Variants in LRRC8D observed in about 807,000 individuals in gnomAD.
LRRC8D encodes leucine rich repeat containing 8 VRAC subunit D.
A neutral mutation model predicts 55.8 loss-of-function variants in LRRC8D; 20 were observed. That is an observed-to-expected ratio of 0.36 (90% CI 0.25 to 0.52). The LOEUF (loss-of-function observed/expected upper bound fraction) is 0.52, where lower values mean the gene tolerates loss of function less well. LRRC8D is among the 20% of genes least tolerant of loss of function. The pLI is 0.93. For missense variants in LRRC8D, 651 were observed against 1,030.8 expected, an observed-to-expected ratio of 0.63 and a Z score of 5.05; for synonymous variants, 352 against 377.0, an observed-to-expected ratio of 0.93 and a Z score of 0.77.
intron 2 of LRRC8D, among the ~76,000 whole-genome samples, chr1:89,848,572 T>A (rs1176777850): frequency 6.6e-6 from 1 of 152,202 alleles, no homozygotes; most frequent in East Asian, 1.9e-4. Context: ...GTTCCTTTAT[T>A]TGTTAAAAGA....
At chr1:89,845,808 T>G (rs1406293407) in intron 2 of LRRC8D, among the ~76,000 whole-genome samples, 5 of 151,246 alleles carry the variant, frequency 3.3e-5, no homozygotes, top group Non-Finnish European at 7.4e-5. Flanking sequence ...GACGGAGGAG[T>G]TTTGCTCTTG....
intron 2 of LRRC8D, among the ~76,000 whole-genome samples, chr1:89,888,430 A>G (rs2801991): frequency 0.35 from 53,430 of 152,068 alleles, 9,910 homozygotes; most frequent in African/African-American, 0.46. Context: ...GGAGATACCG[A>G]TATGAATTCA....
intron 2 of LRRC8D, among the ~76,000 whole-genome samples, chr1:89,847,184 TTAAC>T (rs1318748822): frequency 6.6e-6 from 1 of 152,228 alleles, no homozygotes; most frequent in African/African-American, 2.4e-5. Flanking sequence ...TGTTGCACCA[TTAAC>T]TAAACTGTAA....
chr1:89,856,490 A>T (rs1282320737), intron 2 of LRRC8D, among the ~76,000 whole-genome samples: 2 of 152,224 alleles, frequency 1.3e-5, no homozygotes, highest in African/African-American at 4.8e-5. Flanking sequence ...ATGAGGGAGC[A>T]GTATATGCCT....
chr1:89,920,597 G>A (rs74098651), intron 2 of LRRC8D, among the ~76,000 whole-genome samples: 9,452 of 146,866 alleles, frequency 0.064, 645 homozygotes, highest in African/African-American at 0.18. Context: ...CTTACGTTTC[G>A]TTTCTATATA....
At chr1:89,828,328 T>A (rs1260130614) in intron 1 of LRRC8D, among the ~76,000 whole-genome samples, 1 of 152,224 alleles carries the variant, frequency 6.6e-6, no homozygotes, top group Non-Finnish European at 1.5e-5. Flanking sequence ...CCTTGAGCAG[T>A]CATTTCCAGA....
intron 2 of LRRC8D, among the ~76,000 whole-genome samples, chr1:89,925,301 G>A (rs1363195777): frequency 2.0e-5 from 3 of 152,068 alleles, no homozygotes; most frequent in Non-Finnish European, 2.9e-5. Flanking sequence ...CTAGTTGCAG[G>A]AAAAGCTCAG....
rs144486902 is a variant in LRRC8D, at chr1:89,856,279, A to G, written c.-3+12497A>G. ...GCTAGTAGCAAAAGTTTAGCAGCTCATGTTGAACACTGAACCATATTGAAA... is the reference window on the plus strand; with the variant it reads ...GCTAGTAGCAAAAGTTTAGCAGCTCGTGTTGAACACTGAACCATATTGAAA... On this transcript the variant is annotated intron_variant, in intron 2 of 2. Transcript: ENST00000337338. Among the ~76,000 whole-genome samples the G allele has an allele frequency of 1.1e-4, 17 of 152,300 alleles. No homozygotes were observed. The East Asian group carries it at 3.3e-3, about 29-fold the overall frequency.
chr1:89,829,472 C>T (rs887496729), intron 1 of LRRC8D, among the ~76,000 whole-genome samples: 7 of 152,186 alleles, frequency 4.6e-5, no homozygotes, highest in Non-Finnish European at 8.8e-5. Context: ...TTATACCAGA[C>T]TTTTTTATTT....
intron 2 of LRRC8D, among the ~76,000 whole-genome samples, chr1:89,850,309 G>A (rs1056175925): frequency 6.6e-6 from 1 of 152,054 alleles, no homozygotes; most frequent in Non-Finnish European, 1.5e-5. Flanking sequence ...AAGTTTAGGG[G>A]TACAAGTGTA....
At chr1:89,930,792 C>T (rs769261814) in intron 2 of LRRC8D, among the ~76,000 whole-genome samples, 4 of 150,878 alleles carry the variant, frequency 2.7e-5, no homozygotes, top group South Asian at 4.2e-4. Flanking sequence ...AACTGAAGAG[C>T]TCAAAATGAC....
At chr1:89,834,081 G>A (rs1660948730) in intron 1 of LRRC8D, among the ~76,000 whole-genome samples, 1 of 152,168 alleles carries the variant, frequency 6.6e-6, no homozygotes, top group African/African-American at 2.4e-5. Flanking sequence ...TTGTTCATTA[G>A]AATTTTGAAC....
chr1:89,835,367 T>C (rs1660980578), intron 1 of LRRC8D, among the ~76,000 whole-genome samples: 1 of 152,252 alleles, frequency 6.6e-6, no homozygotes, highest in South Asian at 2.1e-4. Context: ...AAGTTCTGTC[T>C]GTGTAGGTTC....
chr1:89,900,590 C>T lies in LRRC8D; in HGVS notation c.-2-32477C>T, dbSNP rs558963817. On this transcript the variant is annotated intron_variant, in intron 2 of 2. Transcript: ENST00000337338. ...CATGTTTACCACTTGAGGTGAACAT[C>T]GAAGCATAGTGGCACTTACTGGAAG... 1.1e-4 allele frequency among the ~76,000 whole-genome samples: 16 copies of T among 152,142 alleles called. No homozygotes were observed. The South Asian group carries it at 3.3e-3, about 32-fold the overall frequency.
intron 1 of LRRC8D, among the ~76,000 whole-genome samples, chr1:89,832,964 T>G (rs1436519030): frequency 6.6e-6 from 1 of 152,192 alleles, no homozygotes; most frequent in East Asian, 1.9e-4. Context: ...CAAGGCTGGC[T>G]TCTCTAGTCT....
intron 2 of LRRC8D, among the ~76,000 whole-genome samples, chr1:89,909,038 CTG>C (rs1017330086): frequency 6.7e-6 from 1 of 149,864 alleles, no homozygotes; most frequent in Non-Finnish European, 1.5e-5. Context: ...GTGTGTGTGT[CTG>C]TGTGTCTGTG....
chr1:89,830,070 A>G (rs915441441), intron 1 of LRRC8D, among the ~76,000 whole-genome samples: 2 of 152,232 alleles, frequency 1.3e-5, no homozygotes, highest in African/African-American at 4.8e-5. Flanking sequence ...AAAAAACTAT[A>G]TCTTCAAAGT....
chr1:89,915,055 GTA>G (rs1280798539), intron 2 of LRRC8D, among the ~76,000 whole-genome samples: 24 of 151,670 alleles, frequency 1.6e-4, no homozygotes, highest in African/African-American at 5.3e-4. Flanking sequence ...TGGTGTGTGT[GTA>G]TGTGTGTGGT....
intron 2 of LRRC8D, among the ~76,000 whole-genome samples, chr1:89,868,004 C>T (rs1300685512): frequency 6.6e-6 from 1 of 152,222 alleles, no homozygotes; most frequent in East Asian, 1.9e-4. Context: ...TTAGCAGTCT[C>T]ATTTTCAGGA....
Sources: gnomAD v4.1 joint callset for allele counts (sites outside exome capture counted in the v4.1 genomes callset) on GRCh38, gnomAD v4.1.1 for gene constraint, MANE v1.5 for transcripts, NCBI Gene and HGNC (gene_info 2026-07-23, HGNC 2026-07-21) for gene names.